Variants in ZIM2 observed in about 807,000 individuals in gnomAD.
ZIM2 encodes zinc finger imprinted 2.
In ZIM2, 14 loss-of-function variants were observed where a neutral mutation model predicts 38.6. The ratio of observed to expected loss-of-function variants is 0.36; its 90% confidence interval spans 0.24 to 0.57. The LOEUF is 0.57. ZIM2 is among the 20% of genes least tolerant of loss of function. The pLI is 0.81. For missense variants in ZIM2, 680 were observed against 695.1 expected (o/e 0.98, Z 0.24); for synonymous variants, 247 against 245.8 (o/e 1.00, Z -0.04).
chr19:56,781,665 C>T (rs960282813), intron 11 of ZIM2, among the ~76,000 whole-genome samples: 8 of 152,046 alleles, frequency 5.3e-5, no homozygotes, highest in Admixed American at 5.2e-4. Flanking sequence ...TCAATAATAA[C>T]AACAACAATA....
Position 56,814,329 on chromosome 19 carries a change from GGCTGCTGCTGCTGCAGCT to G in ZIM2, c.490+3399_490+3416del. ...CATGGACATTGGCTTCAACTTCCTGGGCTGCTGCTGCTGCAGCTGCTGCTGCTTCATCTTCTTCTTCTT... is the reference window on the plus strand; with the variant it reads ...CATGGACATTGGCTTCAACTTCCTGGGCTGCTGCTTCATCTTCTTCTTCTT... On this transcript the variant is annotated intron_variant, in intron 9 of 12. Transcript: ENST00000629319. This position sits in a 1 kb window ranked among gnomAD's most constrained non-coding sequence, Gnocchi z 5.8. 6.2e-7 allele frequency: 1 copy of G among 1,613,852 alleles called. No individual in the cohort carries two copies. The highest frequency in any genetic ancestry group is 2.2e-5 in the East Asian group (1 of 44,868).
chr19:56,820,310 G>C (rs1483993309), intron 7 of ZIM2, among the ~76,000 whole-genome samples: 2 of 152,242 alleles, frequency 1.3e-5, no homozygotes, highest in Non-Finnish European at 2.9e-5. Context: ...AATGTAATTT[G>C]TGTCATTTGC....
intron 9 of ZIM2, chr19:56,811,779 T>C: frequency 1.0e-6 from 1 of 985,468 alleles, no homozygotes; most frequent in Non-Finnish European, 1.2e-6. Context: ...CACCATACCA[T>C]CAAAAACTCC....
chr19:56,813,719 C>T, intron 9 of ZIM2: 1 of 1,614,052 alleles, frequency 6.2e-7, no homozygotes, highest in Non-Finnish European at 8.5e-7. Context: ...GACAGGCGGT[C>T]ATTGAAGAGC....
At chr19:56,817,062 C>T (rs1355276807) in intron 9 of ZIM2, 26 of 1,614,022 alleles carry the variant, frequency 1.6e-5, no homozygotes, top group Non-Finnish European at 2.0e-5. Flanking sequence ...TGACACTGAA[C>T]GACCTCCCAC....
At chr19:56,816,564 C>T in intron 9 of ZIM2, 2 of 1,614,060 alleles carry the variant, frequency 1.2e-6, no homozygotes, top group Non-Finnish European at 1.7e-6. Context: ...TACATTCGTA[C>T]ATTTTCTCTT....
intron 9 of ZIM2, among the ~76,000 whole-genome samples, chr19:56,806,085 T>TAA (rs1034962505): frequency 3.9e-5 from 6 of 152,200 alleles, no homozygotes; most frequent in Non-Finnish European, 7.3e-5. Context: ...GGTATATATA[T>TAA]AATAGAGTGT....
At chr19:56,835,561 C>A (rs1456439816) in intron 2 of ZIM2, among the ~76,000 whole-genome samples, 5 of 152,220 alleles carry the variant, frequency 3.3e-5, no homozygotes, top group Non-Finnish European at 7.3e-5. Flanking sequence ...TCAGCTGTTG[C>A]TAGCAGATGT....
At chr19:56,791,293 G>C (rs1182732468) in intron 9 of ZIM2, 1 of 152,118 alleles carries the variant, frequency 6.6e-6, no homozygotes, top group Non-Finnish European at 1.5e-5. Flanking sequence ...CTGTCTCCTG[G>C]TCTACGAAAT....
In ZIM2 at chr19:56,786,138, G is replaced by A. The variant is rs76032362; in HGVS notation, c.570+3734C>T. ...CTGGATATTTCATAAAAATGGAATC[G>A]CACGGTACCCCATACATTTTAATAT... On this transcript the variant is annotated intron_variant, in intron 10 of 12. Coordinates refer to ENST00000629319, the MANE Select transcript of ZIM2 (RefSeq NM_001387356.1). Among the ~76,000 whole-genome samples the A allele has an allele frequency of 1.5e-3, 233 of 152,108 alleles. 9 individuals are homozygous for A. The East Asian group carries it at 0.042, about 28-fold the overall frequency.
intron 9 of ZIM2, chr19:56,812,318 T>C (rs888730313): frequency 4.1e-6 from 4 of 982,164 alleles, no homozygotes; most frequent in South Asian, 4.7e-5. Flanking sequence ...CACTCAGAAA[T>C]ACTCTAGGAG....
At chr19:56,807,964 T>C (rs1600819184) in intron 9 of ZIM2, among the ~76,000 whole-genome samples, 1 of 152,152 alleles carries the variant, frequency 6.6e-6, no homozygotes, top group Non-Finnish European at 1.5e-5. Context: ...AGGACAGCAA[T>C]CAAAGAAGAC....
intron 9 of ZIM2, among the ~76,000 whole-genome samples, chr19:56,797,238 C>G (rs2047277121): frequency 6.6e-6 from 1 of 152,100 alleles, no homozygotes; most frequent in South Asian, 2.1e-4. Context: ...ATGGCTTGAA[C>G]TCGTGAAGTG....
intron 10 of ZIM2, among the ~76,000 whole-genome samples, chr19:56,788,103 C>T (rs994970963): frequency 1.3e-5 from 2 of 150,194 alleles, no homozygotes; most frequent in Non-Finnish European, 1.5e-5. Flanking sequence ...GTCTGTATCT[C>T]CTTCAGTTCT....
intron 1 of ZIM2, among the ~76,000 whole-genome samples, chr19:56,836,858 C>T (rs2062168151): frequency 6.6e-6 from 1 of 151,470 alleles, no homozygotes; most frequent in Non-Finnish European, 1.5e-5. Flanking sequence ...TTCCCAGCTA[C>T]TCTGAAGAGG....
At chr19:56,802,388 G>A (rs1007035603) in intron 9 of ZIM2, among the ~76,000 whole-genome samples, 6 of 152,150 alleles carry the variant, frequency 3.9e-5, no homozygotes, top group Admixed American at 3.3e-4. Context: ...TAGATCAAAC[G>A]AGATGCACTA....
rs754972475 is a variant in ZIM2, at chr19:56,814,662, C to T, written c.490+3084G>A. On this transcript the variant is annotated intron_variant, in intron 9 of 12. Coordinates refer to ENST00000629319, the MANE Select transcript of ZIM2 (RefSeq NM_001387356.1). The surrounding 1 kb of genome is among the most constrained non-coding windows in gnomAD (Gnocchi z 5.8). ...GGGCTAAGCCTGGAATGATAGCTTC[C>T]TCAGCCATCTGGCTCTGCTCCAGTA... 6.2e-7 allele frequency: 1 copy of T among 1,614,150 alleles called. No homozygotes were observed. Among genetic ancestry groups the T allele is most frequent in the Non-Finnish European group, 8.5e-7 (1 of 1,180,034 alleles).
At chr19:56,812,558 C>A in intron 9 of ZIM2, 1 of 985,774 alleles carries the variant, frequency 1.0e-6, no homozygotes, top group Non-Finnish European at 1.2e-6. Flanking sequence ...GCAGCATAAG[C>A]TGATGCTGCA....
chr19:56,813,016 T>C (rs1170557503), intron 9 of ZIM2: 3 of 985,688 alleles, frequency 3.0e-6, no homozygotes, highest in African/African-American at 3.5e-5. Flanking sequence ...ACTTATCTTT[T>C]CAAACAGTAA....
Sources: allele counts gnomAD v4.1 joint callset (sites outside exome capture counted in the v4.1 genomes callset), GRCh38; gene constraint gnomAD v4.1.1; non-coding constraint Gnocchi (gnomAD v3.1); transcripts MANE v1.5; gene names NCBI Gene and HGNC (gene_info 2026-07-23, HGNC 2026-07-21).